SYNE1: variants seen among roughly 807,000 people sequenced by gnomAD.
The protein encoded by SYNE1 is nesprin-1.
In SYNE1, 616 loss-of-function variants were observed where a neutral mutation model predicts 1,111.0. The observed-to-expected ratio is 0.55, with a 90% CI of 0.52 to 0.59. The LOEUF is 0.59. Ranked by LOEUF, SYNE1 falls within the 20% of genes least tolerant of loss-of-function variation. The pLI is 0.00. For synonymous variants in SYNE1, 3,855 were observed against 3,825.8 expected (o/e 1.01, Z -0.28); for missense variants, 10,006 against 10,417.0 (o/e 0.96, Z 1.72).
intron 5 of SYNE1, among the ~76,000 whole-genome samples, chr6:152,522,901 T>C (rs745823291): frequency 2.6e-5 from 4 of 152,000 alleles, no homozygotes; most frequent in Admixed American, 6.6e-5. Flanking sequence ...ATGGTATTGT[T>C]TGTCTTTTTT....
At chr6:152,551,932 G>A (rs1335501827) in intron 3 of SYNE1, among the ~76,000 whole-genome samples, 2 of 152,186 alleles carry the variant, frequency 1.3e-5, no homozygotes, top group South Asian at 2.1e-4. Flanking sequence ...GGCGTCTCCT[G>A]CTTTTGCAAG....
intron 6 of SYNE1, among the ~76,000 whole-genome samples, chr6:152,513,653 A>T (rs569854805): frequency 5.9e-5 from 9 of 152,094 alleles, no homozygotes; most frequent in African/African-American, 1.9e-4. Flanking sequence ...TAGTGTTCTT[A>T]AAAAAGATGA....
chr6:152,438,985 T>C (rs1165285165), intron 32 of SYNE1, among the ~76,000 whole-genome samples: 1 of 152,210 alleles, frequency 6.6e-6, no homozygotes, highest in Non-Finnish European at 1.5e-5. Context: ...TCCGCAGATC[T>C]TGAGTGAGTT....
rs76305112 is a variant in SYNE1 at position 152,350,505 on chromosome 6, A to T, written c.11733+113T>A. 241 of 1,382,014 alleles carry T rather than the reference A, an allele frequency of 1.7e-4. 7 individuals are homozygous for T. The South Asian group carries it at 2.3e-3, about 13-fold the overall frequency. 85.6% of individuals were successfully genotyped at this position (1,382,014 alleles called of 1,614,324 possible). Reference sequence around the variant, plus strand: ...ATGCCAATTAAATATCCATCTGAATAAAAAAAAATACTAACCCGTACCAGG... The same window carrying T: ...ATGCCAATTAAATATCCATCTGAATTAAAAAAAATACTAACCCGTACCAGG... On this transcript the variant is annotated intron_variant, in intron 71 of 145. Transcript: ENST00000367255.
At chr6:152,564,209 G>T (rs2099403914) in intron 3 of SYNE1, among the ~76,000 whole-genome samples, 1 of 152,190 alleles carries the variant, frequency 6.6e-6, no homozygotes, top group Admixed American at 6.5e-5. Flanking sequence ...CGAATCAGTT[G>T]TAGCCTACTC....
intron 11 of SYNE1, among the ~76,000 whole-genome samples, chr6:152,492,722 C>T (rs551368198): frequency 6.6e-6 from 1 of 152,332 alleles, no homozygotes; most frequent in East Asian, 1.9e-4. Context: ...CCTCCTGGAC[C>T]ATCACAGATG....
intron 101 of SYNE1, among the ~76,000 whole-genome samples, chr6:152,261,019 G>A (rs541729489): frequency 2.0e-5 from 3 of 152,082 alleles, no homozygotes; most frequent in South Asian, 2.1e-4. Flanking sequence ...GGCAGGTTGC[G>A]CCTGCTTTCT....
At chr6:152,529,440 T>C (rs974968588) in intron 4 of SYNE1, among the ~76,000 whole-genome samples, 2 of 152,192 alleles carry the variant, frequency 1.3e-5, no homozygotes, top group Non-Finnish European at 2.9e-5. Flanking sequence ...CCCATGGCAG[T>C]GACCTAGGGA....
chr6:152,632,866 C>T (rs910215518), intron 2 of SYNE1, among the ~76,000 whole-genome samples: 2 of 152,256 alleles, frequency 1.3e-5, no homozygotes. Context: ...TACTAGTTTC[C>T]ATTTTCCTTC....
chr6:152,148,323 G>A lies in SYNE1; in HGVS notation c.24698C>T (p.Ala8233Val). 2 of 1,614,174 alleles carry A rather than the reference G, an allele frequency of 1.2e-6. No individual in the cohort carries two copies. Among genetic ancestry groups the A allele is most frequent in the African/African-American group, 2.7e-5 (2 of 75,076 alleles). ...GTGCCAGTGCAGGTCCGACAGAGCTGCAGAGTCTTCCAGCTCCAGCTCCCT... is the reference window on the plus strand; with the variant it reads ...GTGCCAGTGCAGGTCCGACAGAGCTACAGAGTCTTCCAGCTCCAGCTCCCT... ...SDRELELEDSAALSDLHWHDR... is the reference protein window; with the variant it reads ...SDRELELEDSVALSDLHWHDR... The change falls in exon 137 of 146, where the codon GCA becomes GTA. Residue 8233 changes from alanine (A) to valine (V), a missense_variant. Around this residue, in one of 7 missense-constraint regions of SYNE1, gnomAD observed 761 missense variants for 795.5 expected, o/e 0.96. Coordinates refer to ENST00000367255, the MANE Select transcript of SYNE1 (RefSeq NM_182961.4). This position sits in a 1 kb window ranked among gnomAD's most constrained non-coding sequence, Gnocchi z 4.1.
At chr6:152,366,801 C>A (rs1013745681) in intron 62 of SYNE1, among the ~76,000 whole-genome samples, 1 of 152,176 alleles carries the variant, frequency 6.6e-6, no homozygotes, top group Non-Finnish European at 1.5e-5. Context: ...TCATTATTTT[C>A]TTCACAAATG....
In SYNE1 at chr6:152,201,923, T is replaced by C. The variant is rs772452257; in HGVS notation, c.23046A>G (p.Ile7682Met). Residue 7682 changes from isoleucine to methionine, a missense_variant, in exon 127 of 146, where the codon ATA becomes ATG. This residue lies in a region of SYNE1 where 2,182 missense variants were observed against 2,287.8 expected (regional missense o/e 0.95). Coordinates refer to ENST00000367255, the MANE Select transcript of SYNE1 (RefSeq NM_182961.4). ...TTCGTAGTTTCTCCAGGGAATCTGC[T>C]ATTCCTTTCTCACATTTTTCCCAGT... ...LKDWEKCEKGIADSLEKLRTF... is the reference protein window; with the variant it reads ...LKDWEKCEKGMADSLEKLRTF... The C allele has an allele frequency of 6.2e-7, 1 of 1,613,948 alleles. No homozygotes were observed.
Position 152,149,548 on chromosome 6 carries a change from C to A in SYNE1, c.24571G>T (p.Glu8191Ter). ...DAAIIEEELD[E>*]LRRYCQEVFG... is the part of the protein sequence containing the mutation. Reference sequence around the variant, plus strand: ...ACCTCCTGGCAGTACCGTCGGAGCTCATCTAGTTCCTCCTCGATGATCGCT... The same window carrying A: ...ACCTCCTGGCAGTACCGTCGGAGCTAATCTAGTTCCTCCTCGATGATCGCT... Residue 8191 changes from glutamate (E) to a stop codon, truncating the protein, a stop_gained, in exon 136 of 146, where the codon GAG (glutamate) becomes TAG (stop). Transcript: ENST00000367255. LOFTEE classifies it high-confidence loss of function. 6.2e-7 allele frequency: 1 copy of A among 1,614,188 alleles called. No homozygotes were observed. The highest frequency in any genetic ancestry group is 8.5e-7 in the Non-Finnish European group (1 of 1,180,026).
chr6:152,322,514 A>G (rs897100936), intron 82 of SYNE1, among the ~76,000 whole-genome samples: 1 of 152,124 alleles, frequency 6.6e-6, no homozygotes, highest in Admixed American at 6.5e-5. Context: ...ATACATCAGG[A>G]TTAACTTGCT....
At chr6:152,181,191 CA>C (rs2067975516) in intron 128 of SYNE1, among the ~76,000 whole-genome samples, 1 of 71,832 alleles carries the variant, frequency 1.4e-5, no homozygotes, top group African/African-American at 5.4e-5. Flanking sequence ...GCGGACAGAT[CA>C]CTAGAGGTCA....
At chr6:152,172,464 A>C in intron 130 of SYNE1, among the ~76,000 whole-genome samples, 1 of 152,234 alleles carries the variant, frequency 6.6e-6, no homozygotes, top group East Asian at 1.9e-4. Flanking sequence ...TTTCTCTATT[A>C]GAAGGTCCAG....
chr6:152,343,097 A>G (rs2096564690), intron 74 of SYNE1, among the ~76,000 whole-genome samples: 1 of 152,076 alleles, frequency 6.6e-6, no homozygotes, highest in African/African-American at 2.4e-5. Context: ...CCCCAACAGA[A>G]TAAATATTAG....
At chr6:152,317,489 TA>T (rs1318700631) in intron 86 of SYNE1, among the ~76,000 whole-genome samples, 5 of 152,162 alleles carry the variant, frequency 3.3e-5, no homozygotes, top group Non-Finnish European at 5.9e-5. Context: ...GTACTAGGAT[TA>T]TAGGTATGAG....
At chr6:152,509,382 G>A (rs755451014) in intron 8 of SYNE1, among the ~76,000 whole-genome samples, 10 of 150,670 alleles carry the variant, frequency 6.6e-5, no homozygotes, top group East Asian at 2.0e-4. Flanking sequence ...TCAGCCTCCC[G>A]AGTAGCTGGG....
Sources: allele counts gnomAD v4.1 joint callset (sites outside exome capture counted in the v4.1 genomes callset), GRCh38; gene constraint gnomAD v4.1.1; regional missense constraint gnomAD v4.1.1; non-coding constraint Gnocchi (gnomAD v3.1); transcripts MANE v1.5; gene names NCBI Gene and HGNC (gene_info 2026-07-23, HGNC 2026-07-21).